Variants in NDUFS1 observed in about 807,000 individuals in gnomAD.
NDUFS1 encodes NADH-ubiquinone oxidoreductase 75 kDa subunit, mitochondrial.
NDUFS1 carries 61 observed loss-of-function variants against 84.4 expected under a neutral mutation model. That is an observed-to-expected ratio of 0.72 (90% CI 0.59 to 0.89). The LOEUF is 0.89. NDUFS1 is among the 40% of genes least tolerant of loss of function. The pLI, the probability that NDUFS1 is intolerant of heterozygous loss-of-function variation, is 0.00. For missense variants in NDUFS1, 891 were observed against 890.0 expected, an observed-to-expected ratio of 1.00 and a Z score of -0.01; for synonymous variants, 275 against 290.0, an observed-to-expected ratio of 0.95 and a Z score of 0.53.
At chr2:206,140,943 T>TATATATATATATATATATACACACACAC (rs367723817) in intron 12 of NDUFS1, among the ~76,000 whole-genome samples, 11 of 136,126 alleles carry the variant, frequency 8.1e-5, no homozygotes, top group Admixed American at 1.5e-4. Context: ...TATATATATA[T>TATATATATATATATATATACACACACAC]ACACACACAC....
At chr2:206,144,844 T>G in intron 9 of NDUFS1, 48 bp downstream of exon 9, 1 of 1,570,286 alleles carries the variant, frequency 6.4e-7, no homozygotes, top group Non-Finnish European at 8.7e-7. Context: ...ATTATAAAAT[T>G]TCCTTTAAAT....
intron 13 of NDUFS1, 57 bp from the exon 14 acceptor site, chr2:206,133,162 A>G (rs2105953021): frequency 1.4e-6 from 2 of 1,425,630 alleles, no homozygotes; most frequent in Non-Finnish European, 1.9e-6. Flanking sequence ...GCTGAACACC[A>G]AACCATATTT....
intron 10 of NDUFS1, 32 bp from the exon 11 acceptor site, chr2:206,142,863 A>C: frequency 6.2e-7 from 1 of 1,613,306 alleles, no homozygotes; most frequent in Non-Finnish European, 8.5e-7. Flanking sequence ...ATCACCAAGA[A>C]ACCTACACGC....
Position 206,115,880 on chromosome 2 carries a change from A to T in NDUFS1, c.*8305T>A, listed in dbSNP as rs771912006. The stretch of plus-strand genomic sequence containing the variant: ...TTTCATGGATAATTTCATGAATACT[A>T]GAGCCTAGTCTAAAAATCATAGGAT... On this transcript the variant is annotated 3_prime_UTR_variant, in exon 19 of 19. Coordinates refer to ENST00000233190, the MANE Select transcript of NDUFS1 (RefSeq NM_005006.7). 5.4e-5 allele frequency: 30 copies of T among 550,716 alleles called. No individual in the cohort carries two copies. The highest frequency in any genetic ancestry group is 2.1e-4 in the South Asian group (11 of 51,656). The allele number at this position is 550,716 out of a possible 1,614,324, so 34.1% of individuals were successfully genotyped here. A position where few individuals can be genotyped will look rare whatever the true frequency, so the allele number is the denominator to read the frequency against.
Position 206,116,191 on chromosome 2 carries a change from C to T in NDUFS1, c.*7994G>A, listed in dbSNP as rs941644751. The T allele has an allele frequency of 2.1e-5, 31 of 1,499,232 alleles. No individual in the cohort carries two copies. The African/African-American group carries it at 4.1e-4, about 20-fold the overall frequency. The allele number at this position is 1,499,232 out of a possible 1,614,324, so 92.9% of individuals were successfully genotyped here. ...CTAGTTATGAAGGGTTACTCAGTGT[C>T]ATCTTGATCAGCCAACCATCTTCAT... On this transcript the variant is annotated 3_prime_UTR_variant, in exon 19 of 19. Coordinates refer to ENST00000233190, the MANE Select transcript of NDUFS1 (RefSeq NM_005006.7).
At chr2:206,155,262 T>G (rs1460910886) in intron 1 of NDUFS1, among the ~76,000 whole-genome samples, 1 of 151,588 alleles carries the variant, frequency 6.6e-6, no homozygotes, top group East Asian at 1.9e-4. Flanking sequence ...GGGACAGGTG[T>G]GTACCACCAT....
rs553184700 is a variant in NDUFS1 at position 206,152,956 on chromosome 2, G to A, written c.62-446C>T. On this transcript the variant is annotated intron_variant, in intron 2 of 18. Transcript: ENST00000233190. ...TGACCTCAAGTAATCCTTCTGCCTC[G>A]GCCTCCCAAAGTGCTGAGATTACAG... Among the ~76,000 whole-genome samples the A allele has an allele frequency of 6.6e-5, 10 of 151,830 alleles. No individual in the cohort carries two copies. The South Asian group carries it at 8.3e-4, about 13-fold the overall frequency.
At position 206,151,468 on chromosome 2, in the gene NDUFS1, C is replaced by T. The variant is rs556440496; in HGVS notation, c.153+951G>A. Among the ~76,000 whole-genome samples, 13 of 152,338 alleles carry T rather than the reference C, an allele frequency of 8.5e-5. No individual in the cohort carries two copies. In the South Asian group the frequency reaches 2.7e-3, roughly 32 times the overall value. On this transcript the variant is annotated intron_variant, in intron 3 of 18. Coordinates refer to ENST00000233190, the MANE Select transcript of NDUFS1 (RefSeq NM_005006.7). ...GGATGACCTGAGGCACCCAATACCT[C>T]TTTCTACTACCTCCTATCCCTGCCA...
At position 206,127,939 on chromosome 2, in the gene NDUFS1, T is replaced by C. The variant is rs1317076909; in HGVS notation, c.1742A>G (p.Asp581Gly). 1 of 1,614,030 alleles carries C rather than the reference T, an allele frequency of 6.2e-7. No individual in the cohort carries two copies. The highest frequency in any genetic ancestry group is 2.2e-5 in the East Asian group (1 of 44,868). ...HHGDVGAPIA[D>G]VILPGAAYTE... Reference sequence around the variant, plus strand: ...GTAAGCAGCTCCTGGGAGAATAACATCAGCTATGGGAGCCCCAACATCACC... The same window carrying C: ...GTAAGCAGCTCCTGGGAGAATAACACCAGCTATGGGAGCCCCAACATCACC... The change falls in exon 16 of 19, where the codon GAT becomes GGT. Residue 581 changes from aspartate to glycine, a missense_variant. Transcript: ENST00000233190.
chr2:206,120,873 G>C lies in NDUFS1; in HGVS notation c.*3312C>G, dbSNP rs1691076949. Reference sequence around the variant, plus strand: ...ACTCATTTGCTCAAGCAATCCTTGTGCCTCAGCCTCCCAAGTAGCTGGGGC... The same window carrying C: ...ACTCATTTGCTCAAGCAATCCTTGTCCCTCAGCCTCCCAAGTAGCTGGGGC... On this transcript the variant is annotated 3_prime_UTR_variant, in exon 19 of 19. Transcript: ENST00000233190. 1 of 152,214 alleles carries C rather than the reference G, an allele frequency of 6.6e-6. No homozygotes were observed. 9.4% of individuals were successfully genotyped at this position (152,214 alleles called of 1,614,324 possible).
At chr2:206,132,544 T>C (rs1034484499) in intron 14 of NDUFS1, among the ~76,000 whole-genome samples, 1 of 151,986 alleles carries the variant, frequency 6.6e-6, no homozygotes, top group African/African-American at 2.4e-5. Flanking sequence ...ACTATGATCA[T>C]GCCACTGTAC....
At chr2:206,142,505 G>A (rs867648432) in intron 11 of NDUFS1, among the ~76,000 whole-genome samples, 181 bp downstream of exon 11, 12 of 152,348 alleles carry the variant, frequency 7.9e-5, no homozygotes, top group Middle Eastern at 3.4e-3. Context: ...GTGAGCCACT[G>A]TGCCTGAGAT....
At chr2:206,147,867 T>C in intron 5 of NDUFS1, 33 bp from the exon 6 acceptor site, 1 of 1,557,672 alleles carries the variant, frequency 6.4e-7, no homozygotes, top group Admixed American at 1.7e-5. Context: ...AAAATGACTC[T>C]CAAATACACA....
rs1238709984 is a variant in NDUFS1 at position 206,147,943 on chromosome 2, T to C, written c.339-109A>G. 4.2e-6 allele frequency: 4 copies of C among 962,936 alleles called. No individual in the cohort carries two copies. In the Admixed American group the frequency reaches 5.5e-5, roughly 13 times the overall value. The allele number at this position is 962,936 out of a possible 1,614,324, so 59.6% of individuals were successfully genotyped here. ...ACTTTATTTTTTTTTTTTGAGATGG[T>C]GTCTCGCTCTGTTGCTCAGGCTGCA... is the stretch of plus-strand genomic sequence containing the variant. On this transcript the variant is annotated intron_variant, in intron 5 of 18. Coordinates refer to ENST00000233190, the MANE Select transcript of NDUFS1 (RefSeq NM_005006.7).
At chr2:206,153,283 C>T (rs989702872) in intron 2 of NDUFS1, among the ~76,000 whole-genome samples, 2 of 151,710 alleles carry the variant, frequency 1.3e-5, no homozygotes, top group Non-Finnish European at 2.9e-5. Context: ...GCAACCTCCA[C>T]CTCCCGGGTT....
intron 1 of NDUFS1, among the ~76,000 whole-genome samples, 185 bp from the exon 2 acceptor site, chr2:206,153,867 C>G (rs1009997557): frequency 6.6e-6 from 1 of 152,024 alleles, no homozygotes; most frequent in South Asian, 2.1e-4. Context: ...TGTACAATGT[C>G]AAAGAGCTAA....
At chr2:206,154,556 G>C (rs976573594) in intron 1 of NDUFS1, among the ~76,000 whole-genome samples, 5 of 152,178 alleles carry the variant, frequency 3.3e-5, no homozygotes, top group African/African-American at 1.2e-4. Context: ...AATGGGTGTC[G>C]ATTATATAAA....
Position 206,149,061 on chromosome 2 carries a change from A to C in NDUFS1, c.297T>G (p.Gly99=), listed in dbSNP as rs769533865. 13 of 1,613,256 alleles carry C rather than the reference A, an allele frequency of 8.1e-6. No individual in the cohort carries two copies. The Middle Eastern group carries it at 8.3e-4, about 102-fold the overall frequency. Residue 99 remains glycine (G), a synonymous_variant, in exon 5 of 19, where the codon GGT becomes GGG. Transcript: ENST00000233190. ...TTTCTGAGTTTGTTAGGATATTCCA[A>C]CCCTTCATTACTGGCATGGCACAAG... ...VAACAMPVMK[G]WNILTNSEKS...
At chr2:206,137,088 C>T (rs540012038) in intron 13 of NDUFS1, among the ~76,000 whole-genome samples, 2 of 152,278 alleles carry the variant, frequency 1.3e-5, no homozygotes, top group Admixed American at 1.3e-4. Context: ...CACCACCACA[C>T]ATATATTCTA....
Sources: gnomAD v4.1 joint callset for allele counts (sites outside exome capture counted in the v4.1 genomes callset) on GRCh38, gnomAD v4.1.1 for gene constraint, MANE v1.5 for transcripts, NCBI Gene and HGNC (gene_info 2026-07-23, HGNC 2026-07-21) for gene names.